The following NDRG4 variants were observed in gnomAD, a reference collection of about 807,000 sequenced individuals.
NDRG4 encodes the protein NDRG family member 4.
In NDRG4, 38 loss-of-function variants were observed where a neutral mutation model predicts 55.8. The ratio of observed to expected loss-of-function variants is 0.68; its 90% CI spans 0.53 to 0.89. NDRG4 has a LOEUF of 0.89. Among genes scored for constraint, NDRG4 ranks in the 40% least tolerant of loss-of-function variants. The probability of loss-of-function intolerance (pLI) is 0.00; values close to 1 mark genes in which losing one functional copy is unlikely to be tolerated. For synonymous variants in NDRG4, 190 were observed against 182.7 expected (o/e 1.04, Z -0.32); for missense variants, 455 against 468.6 (o/e 0.97, Z 0.27).
intron 1 of NDRG4, among the ~76,000 whole-genome samples, chr16:58,469,779 T>TCTTA (rs2032410278): frequency 6.6e-6 from 1 of 152,172 alleles, no homozygotes; most frequent in Non-Finnish European, 1.5e-5. Flanking sequence ...CCAGACATAG[T>TCTTA]CTTAACCACA....
In NDRG4 at chr16:58,464,830, C is replaced by T. The variant is rs917995480; in HGVS notation, c.-24+1033C>T. 14 of 1,244,748 alleles carry T rather than the reference C, an allele frequency of 1.1e-5. No homozygotes were observed. The highest frequency in any genetic ancestry group is 1.4e-5 in the Non-Finnish European group (14 of 987,204). 77.1% of individuals were successfully genotyped at this position (1,244,748 alleles called of 1,614,324 possible). ...CCGTGGGCTTCTGGCAGGACCCGCGCCATGGACCTCTTATTTCTGCGCCCT... is the reference window on the plus strand; with the variant it reads ...CCGTGGGCTTCTGGCAGGACCCGCGTCATGGACCTCTTATTTCTGCGCCCT... On this transcript the variant is annotated intron_variant, in intron 1 of 15. Transcript: ENST00000258187. This position sits in a 1 kb window ranked among gnomAD's most constrained non-coding sequence, Gnocchi z 4.8.
downstream of NDRG4, among the ~76,000 whole-genome samples, chr16:58,514,507 C>CG (rs1209014566): frequency 2.6e-5 from 4 of 151,974 alleles, no homozygotes; most frequent in African/African-American, 7.3e-5. Context: ...GAGGCCGAGG[C>CG]GGGGGGATTG....
chr16:58,470,519 A>ACATTTTGT (rs2032564145), intron 1 of NDRG4, among the ~76,000 whole-genome samples: 1 of 152,230 alleles, frequency 6.6e-6, no homozygotes, highest in Admixed American at 6.5e-5. Flanking sequence ...GATGTGGCAA[A>ACATTTTGT]AGAGATTTTG....
In NDRG4 at chr16:58,464,034, G is replaced by C. The variant is rs1222898913; in HGVS notation, c.-24+237G>C. 5.5e-6 allele frequency: 1 copy of C among 182,498 alleles called. No individual in the cohort carries two copies. The highest frequency in any genetic ancestry group is 2.3e-5 in the African/African-American group (1 of 42,620). 11.3% of individuals were successfully genotyped at this position (182,498 alleles called of 1,614,324 possible). ...CTTCCTCGCCTTCCCGGCCGCGCTG[G>C]GGACCCCCAGCCGCCGTCCGCGACC... is the stretch of plus-strand genomic sequence containing the variant. On this transcript the variant is annotated intron_variant, in intron 1 of 15. Coordinates refer to the NDRG4 transcript ENST00000258187. This position sits in a 1 kb window ranked among gnomAD's most constrained non-coding sequence, Gnocchi z 4.8.
intron 1 of NDRG4, among the ~76,000 whole-genome samples, chr16:58,470,050 G>T (rs1026699399): frequency 6.6e-6 from 1 of 152,170 alleles, no homozygotes; most frequent in African/African-American, 2.4e-5. Context: ...ATGAATAAAA[G>T]GGTATACACA....
intron 1 of NDRG4, among the ~76,000 whole-genome samples, chr16:58,476,905 CT>C (rs1482600819): frequency 2.0e-5 from 3 of 152,000 alleles, no homozygotes; most frequent in African/African-American, 7.2e-5. Flanking sequence ...AAAAAAACCC[CT>C]GAATGACAGG....
At chr16:58,470,482 A>G (rs549402384) in intron 1 of NDRG4, among the ~76,000 whole-genome samples, 2 of 152,352 alleles carry the variant, frequency 1.3e-5, no homozygotes, top group South Asian at 4.1e-4. Flanking sequence ...AAGATATCCT[A>G]ATCACTAGAA....
chr16:58,488,929 C>T (rs938795786), intron 2 of NDRG4, among the ~76,000 whole-genome samples: 1 of 152,194 alleles, frequency 6.6e-6, no homozygotes. Context: ...GAGCCTCCAT[C>T]AGCTGCTACC....
chr16:58,464,223 T>G lies in NDRG4; in HGVS notation c.-24+426T>G. The stretch of plus-strand genomic sequence containing the variant: ...GTGCCTTTTTGGGGGTGCGCGGCCA[T>G]GCAATTGGTGGATTTTTTTAAACCG... On this transcript the variant is annotated intron_variant, in intron 1 of 15. Transcript: ENST00000258187. The surrounding 1 kb of genome is among the most constrained non-coding windows in gnomAD (Gnocchi z 4.8). 5.1e-5 allele frequency: 20 copies of G among 393,616 alleles called. No homozygotes were observed. Among genetic ancestry groups the G allele is most frequent in the East Asian group, 7.7e-5 (2 of 25,962 alleles). The allele number at this position is 393,616 out of a possible 1,614,324, so 24.4% of individuals were successfully genotyped here.
chr16:58,496,791 T>C (rs1264014865), upstream of NDRG4: 4 of 152,160 alleles, frequency 2.6e-5, no homozygotes, highest in African/African-American at 7.2e-5. Flanking sequence ...AGCACCAAAC[T>C]GCCTGGGTGT....
downstream of NDRG4, among the ~76,000 whole-genome samples, chr16:58,514,745 CAAAAAAAAAAAAAAAAA>C (rs67168725): frequency 9.5e-4 from 78 of 82,110 alleles, no homozygotes; most frequent in African/African-American, 3.4e-3. Flanking sequence ...CCCAACGCGC[CAAAAAAAAAAAAAAAAA>C]AAAGGAAAAA....
intron 2 of NDRG4, among the ~76,000 whole-genome samples, chr16:58,489,358 T>C (rs1279288853): frequency 6.6e-6 from 1 of 151,974 alleles, no homozygotes; most frequent in Non-Finnish European, 1.5e-5. Flanking sequence ...GGACCCAGGA[T>C]GCAATCTGCA....
chr16:58,495,382 G>A (rs1173634150), upstream of NDRG4: 5 of 207,100 alleles, frequency 2.4e-5, no homozygotes, highest in Non-Finnish European at 3.0e-5. Flanking sequence ...TTATTCCTCC[G>A]GGTGATGATG....
intron 1 of NDRG4, among the ~76,000 whole-genome samples, chr16:58,502,472 C>T (rs1432086653): frequency 6.6e-6 from 1 of 152,184 alleles, no homozygotes; most frequent in Non-Finnish European, 1.5e-5. Context: ...GAGCCTTTGG[C>T]CACCAGGTTG....
At chr16:58,506,112 G>A in intron 5 of NDRG4, 1 of 613,508 alleles carries the variant, frequency 1.6e-6, no homozygotes, top group Non-Finnish European at 2.9e-6. Flanking sequence ...AATATATTAA[G>A]AGCTGATTCT....
chr16:58,511,612 C>A lies in NDRG4; in HGVS notation c.*36C>A. On this transcript the variant is annotated 3_prime_UTR_variant, in exon 15 of 15. Coordinates refer to ENST00000570248, the MANE Select transcript of NDRG4 (RefSeq NM_001242835.2). ...CCCGCTGACGACGCCCACGTCGAGG[C>A]CCCACCGCCATCCTTGCGCCGGCTC... is the stretch of plus-strand genomic sequence containing the variant. 1 of 1,612,164 alleles carries A rather than the reference C, an allele frequency of 6.2e-7. No homozygotes were observed. The highest frequency in any genetic ancestry group is 8.5e-7 in the Non-Finnish European group (1 of 1,179,242).
chr16:58,493,327 A>C (rs772835819), intron 2 of NDRG4, among the ~76,000 whole-genome samples: 6 of 152,170 alleles, frequency 3.9e-5, no homozygotes, highest in Non-Finnish European at 7.3e-5. Flanking sequence ...GGAGTGCAGT[A>C]GTGCAGTCTC....
intron 8 of NDRG4, chr16:58,507,399 T>G: frequency 5.5e-6 from 2 of 363,234 alleles, no homozygotes; most frequent in Non-Finnish European, 1.0e-5. Context: ...GGGGCTGCCC[T>G]GCCCTGCAGG....
chr16:58,500,333 G>A (rs2036916760), intron 1 of NDRG4, 64 bp downstream of exon 1: 4 of 1,520,754 alleles, frequency 2.6e-6, no homozygotes, highest in African/African-American at 1.4e-5. Flanking sequence ...ATGACCCACC[G>A]CAGGGAGGAA....
Sources: allele counts gnomAD v4.1 joint callset (sites outside exome capture counted in the v4.1 genomes callset), GRCh38; gene constraint gnomAD v4.1.1; non-coding constraint Gnocchi (gnomAD v3.1); transcripts MANE v1.5; gene names NCBI Gene and HGNC (gene_info 2026-07-23, HGNC 2026-07-21).